DIXDC1: variants seen among roughly 807,000 people sequenced by gnomAD.
DIXDC1 encodes DIX domain containing 1, also known as dixin.
Under a neutral mutation model 103.1 loss-of-function variants are expected in DIXDC1, and 64 were observed. That is an observed-to-expected ratio of 0.62 (90% CI 0.51 to 0.76). DIXDC1 has a LOEUF of 0.76. Among genes scored for constraint, DIXDC1 ranks in the 30% least tolerant of loss-of-function variants. DIXDC1 has a pLI of 0.00. For missense variants in DIXDC1, 759 were observed against 834.2 expected (o/e 0.91, Z 1.11); for synonymous variants, 266 against 298.5 (o/e 0.89, Z 1.12).
rs1555177953 is a variant in DIXDC1, at chr11:112,017,891, G to C, written c.1971+6G>C. ...TTGGCACTGTCAAAGAGGAGGTAAA[G>C]AATCTGTGGGGAGTCTGTATGGTAT... is the stretch of plus-strand genomic sequence containing the variant. On this transcript the variant is annotated splice_donor_region_variant and intron_variant, in intron 19 of 19. Transcript: ENST00000440460. This position sits in a 1 kb window ranked among gnomAD's most constrained non-coding sequence, Gnocchi z 4.0. 6.3e-7 allele frequency: 1 copy of C among 1,597,960 alleles called. No individual in the cohort carries two copies. The highest frequency in any genetic ancestry group is 8.5e-7 in the Non-Finnish European group (1 of 1,170,304).
At chr11:111,961,329 G>A (rs909105355) in intron 1 of DIXDC1, among the ~76,000 whole-genome samples, 4 of 152,248 alleles carry the variant, frequency 2.6e-5, no homozygotes, top group Admixed American at 2.0e-4. Flanking sequence ...CAGTGTGGTA[G>A]AGTGGAAAGA....
intron 5 of DIXDC1, chr11:111,975,818 C>T (rs1394383935): frequency 1.0e-6 from 1 of 985,230 alleles, no homozygotes; most frequent in South Asian, 4.7e-5. Flanking sequence ...TCATAAAACT[C>T]CATCCTATTT....
At chr11:111,982,295 A>G in intron 6 of DIXDC1, 44 bp from the exon 7 acceptor site, 1 of 1,589,736 alleles carries the variant, frequency 6.3e-7, no homozygotes. Context: ...GCTGGAAATC[A>G]GTTTTCTTCA....
intron 17 of DIXDC1, among the ~76,000 whole-genome samples, chr11:112,005,914 C>G (rs980771639): frequency 6.6e-6 from 1 of 152,074 alleles, no homozygotes; most frequent in Non-Finnish European, 1.5e-5. Context: ...CCAAGGCGGG[C>G]AGATTACTTG....
In DIXDC1 at chr11:111,977,298, G is replaced by A. The variant is rs1164921344; in HGVS notation, c.656+2315G>A. On this transcript the variant is annotated intron_variant, in intron 5 of 19. Coordinates refer to ENST00000440460, the MANE Select transcript of DIXDC1 (RefSeq NM_001037954.4). This position sits in a 1 kb window ranked among gnomAD's most constrained non-coding sequence, Gnocchi z 6.1. ...AGCCCAGGGAGGGAGCAGAGGGTGG[G>A]GCGGGGAGGGATCCGGAAGGTGGCA... is the stretch of plus-strand genomic sequence containing the variant. 60 of 1,043,126 alleles carry A rather than the reference G, an allele frequency of 5.8e-5. No homozygotes were observed. The highest frequency in any genetic ancestry group is 6.5e-5 in the Non-Finnish European group (56 of 866,592). 64.6% of individuals were successfully genotyped at this position (1,043,126 alleles called of 1,614,324 possible).
At chr11:111,987,878 T>C (rs1331343512) in intron 9 of DIXDC1, among the ~76,000 whole-genome samples, 1 of 152,136 alleles carries the variant, frequency 6.6e-6, no homozygotes, top group Non-Finnish European at 1.5e-5. Context: ...CAGGCTTGTC[T>C]TGAACGGCTG....
chr11:111,944,252 C>G (rs945166906), intron 1 of DIXDC1, among the ~76,000 whole-genome samples: 2 of 152,226 alleles, frequency 1.3e-5, no homozygotes, highest in Admixed American at 1.3e-4. Context: ...TGAACTGTCT[C>G]TCTAGCATAC....
At chr11:111,961,548 A>G (rs1222594435) in intron 1 of DIXDC1, among the ~76,000 whole-genome samples, 3 of 152,230 alleles carry the variant, frequency 2.0e-5, no homozygotes, top group Non-Finnish European at 2.9e-5. Flanking sequence ...AAAAGTGACT[A>G]TTACTGTTTA....
chr11:111,940,200 T>A (rs192652419), intron 1 of DIXDC1, among the ~76,000 whole-genome samples: 1 of 152,278 alleles, frequency 6.6e-6, no homozygotes, highest in Admixed American at 6.5e-5. Context: ...TGTATAGCCA[T>A]GCATGACAGA....
intron 17 of DIXDC1, among the ~76,000 whole-genome samples, chr11:112,012,637 G>A (rs2137635880): frequency 6.6e-6 from 1 of 152,238 alleles, no homozygotes; most frequent in Non-Finnish European, 1.5e-5. Context: ...TATTAAATTT[G>A]TAGATATACA....
intron 1 of DIXDC1, among the ~76,000 whole-genome samples, chr11:111,961,473 A>G (rs782148020): frequency 8.5e-5 from 13 of 152,234 alleles, no homozygotes; most frequent in African/African-American, 1.2e-4. Flanking sequence ...TCCCTGCCAG[A>G]TTAGCATTAG....
chr11:112,003,961 T>C (rs1185415776), intron 17 of DIXDC1, among the ~76,000 whole-genome samples: 8 of 149,604 alleles, frequency 5.3e-5, no homozygotes, highest in African/African-American at 1.5e-4. Context: ...GGAGTATTAC[T>C]TGTGTCCAGG....
intron 17 of DIXDC1, among the ~76,000 whole-genome samples, chr11:112,005,179 A>G (rs1861197029): frequency 6.6e-6 from 1 of 152,240 alleles, no homozygotes; most frequent in Non-Finnish European, 1.5e-5. Flanking sequence ...GAAACCCACT[A>G]TAAATATAAT....
At chr11:111,966,327 A>G (rs2137513453) in intron 2 of DIXDC1, among the ~76,000 whole-genome samples, 1 of 147,870 alleles carries the variant, frequency 6.8e-6, no homozygotes, top group African/African-American at 2.5e-5. Context: ...GGTTCAAGCA[A>G]TTCTCCTGCT....
intron 5 of DIXDC1, among the ~76,000 whole-genome samples, chr11:111,978,404 T>A (rs1860188813): frequency 1.3e-5 from 2 of 152,152 alleles, no homozygotes. Context: ...TGCTCTGACA[T>A]GTGCCTCGGG....
chr11:111,983,065 ACCCACTTGACATAGTT>A (rs1555173440), intron 7 of DIXDC1, among the ~76,000 whole-genome samples: 1 of 152,168 alleles, frequency 6.6e-6, no homozygotes, highest in African/African-American at 2.4e-5. Context: ...CCCGAGACTG[ACCCACTTGACATAGTT>A]CCCACCCTGA....
At chr11:111,932,251 G>A (rs1555167740) in intron 2 of DIXDC1, among the ~76,000 whole-genome samples, 2 of 150,762 alleles carry the variant, frequency 1.3e-5, no homozygotes, top group South Asian at 2.1e-4. Context: ...TGGCCAGACT[G>A]GTCTCTCAAC....
rs996951922 is a variant in DIXDC1, at chr11:111,971,692, C to A, written c.317-2331C>A. Among the ~76,000 whole-genome samples the A allele has an allele frequency of 2.0e-5, 3 of 151,486 alleles. No homozygotes were observed. In the South Asian group the frequency reaches 6.2e-4, roughly 31 times the overall value. ...ACATGGAATCAACCTAGGTGCCCATCAACAGTGCAGTGAATAAATAAAATG... is the reference window on the plus strand; with the variant it reads ...ACATGGAATCAACCTAGGTGCCCATAAACAGTGCAGTGAATAAATAAAATG... On this transcript the variant is annotated intron_variant, in intron 3 of 19. Transcript: ENST00000440460.
At chr11:111,938,843 A>G (rs1244032140) in intron 1 of DIXDC1, among the ~76,000 whole-genome samples, 3 of 152,162 alleles carry the variant, frequency 2.0e-5, no homozygotes, top group African/African-American at 7.2e-5. Context: ...GGGTGTCACA[A>G]CCTTCACTGA....
Sources: gnomAD v4.1 joint callset for allele counts (sites outside exome capture counted in the v4.1 genomes callset) on GRCh38, gnomAD v4.1.1 for gene constraint, Gnocchi (gnomAD v3.1) non-coding constraint, MANE v1.5 for transcripts, NCBI Gene and HGNC (gene_info 2026-07-23, HGNC 2026-07-21) for gene names.